Variants in DCDC2C observed in about 807,000 individuals in gnomAD.
The protein encoded by DCDC2C is doublecortin domain-containing protein 2C.
Under a neutral mutation model 45.0 loss-of-function variants are expected in DCDC2C, and 44 were observed. The observed-to-expected ratio is 0.98, with a 90% CI of 0.77 to 1.26. The LOEUF (loss-of-function observed/expected upper bound fraction) is 1.26, where lower values mean the gene tolerates loss of function less well. Ranked by LOEUF, DCDC2C falls within the 50% of genes most tolerant of loss-of-function variation. The probability of loss-of-function intolerance (pLI) is 0.00; values close to 1 mark genes in which losing one functional copy is unlikely to be tolerated. For missense variants in DCDC2C, 447 were observed against 468.9 expected (o/e 0.95, Z 0.43); for synonymous variants, 187 against 178.8 (o/e 1.05, Z -0.37).
intron 4 of DCDC2C, among the ~76,000 whole-genome samples, chr2:3,743,887 G>C (rs111785731): frequency 0.027 from 4,039 of 152,274 alleles, 179 homozygotes; most frequent in African/African-American, 0.091. Flanking sequence ...GGCCAACATG[G>C]TGAAACCCCA....
intron 10 of DCDC2C, among the ~76,000 whole-genome samples, chr2:3,822,989 G>A (rs148650538): frequency 5.4e-4 from 82 of 152,200 alleles, no homozygotes; most frequent in African/African-American, 1.9e-3. Flanking sequence ...GGTGTGACTT[G>A]TTCCTCCTTG....
At chr2:3,740,401 A>C (rs1221041648) in intron 3 of DCDC2C, among the ~76,000 whole-genome samples, 1 of 152,184 alleles carries the variant, frequency 6.6e-6, no homozygotes, top group Non-Finnish European at 1.5e-5. Context: ...GTCCTTCAAG[A>C]AGACTGTGCT....
At chr2:3,836,918 G>T (rs1390248795) in intron 10 of DCDC2C, among the ~76,000 whole-genome samples, 1 of 150,510 alleles carries the variant, frequency 6.6e-6, no homozygotes, top group African/African-American at 2.4e-5. Context: ...CAACTATCTT[G>T]TAATACTGTA....
At chr2:3,786,251 C>T (rs1334336626) in intron 10 of DCDC2C, among the ~76,000 whole-genome samples, 6 of 151,396 alleles carry the variant, frequency 4.0e-5, no homozygotes, top group African/African-American at 1.5e-4. Flanking sequence ...CGCCTGTGCA[C>T]GGAACCTCTG....
At chr2:3,729,129 G>C (rs770827846) in intron 3 of DCDC2C, among the ~76,000 whole-genome samples, 4 of 152,232 alleles carry the variant, frequency 2.6e-5, no homozygotes, top group Non-Finnish European at 5.9e-5. Flanking sequence ...GAGAAAAAGC[G>C]TTTAAAAGAT....
At chr2:3,758,109 C>T (rs1669772921) in intron 6 of DCDC2C, among the ~76,000 whole-genome samples, 1 of 152,192 alleles carries the variant, frequency 6.6e-6, no homozygotes, top group African/African-American at 2.4e-5. Flanking sequence ...GCAAAATAGA[C>T]AGAGAAGGGC....
At chr2:3,749,110 G>C (rs1170662270) in intron 4 of DCDC2C, among the ~76,000 whole-genome samples, 1 of 152,118 alleles carries the variant, frequency 6.6e-6, no homozygotes, top group African/African-American at 2.4e-5. Flanking sequence ...ATTGGTAAAG[G>C]ATTTAGTTTA....
intron 2 of DCDC2C, among the ~76,000 whole-genome samples, chr2:3,723,935 GC>G (rs1055118518): frequency 1.3e-5 from 2 of 151,974 alleles, no homozygotes; most frequent in African/African-American, 2.4e-5. Flanking sequence ...TACCTGAACA[GC>G]CCCCCTTCCC....
rs1667931682 is a variant in DCDC2C at position 3,703,608 on chromosome 2, G to A, written c.-144G>A. The A allele has an allele frequency of 6.3e-6, 5 of 796,186 alleles. No homozygotes were observed. The South Asian group carries it at 1.9e-4, about 30-fold the overall frequency. 49.3% of individuals were successfully genotyped at this position (796,186 alleles called of 1,614,324 possible). A position where few individuals can be genotyped will look rare whatever the true frequency, so the allele number is the denominator to read the frequency against. On this transcript the variant is annotated 5_prime_UTR_variant, in exon 1 of 11. Coordinates refer to ENST00000399143, the MANE Select transcript of DCDC2C (RefSeq NM_001287444.2). This position sits in a 1 kb window ranked among gnomAD's most constrained non-coding sequence, Gnocchi z 4.4. ...CCCGTCCCCGTCCAGCCCCCGTCCC[G>A]TCCCCGTCCCGTCCCCGTCCTGCGC...
At chr2:3,833,325 T>A (rs529662861) in intron 10 of DCDC2C, among the ~76,000 whole-genome samples, 1 of 152,350 alleles carries the variant, frequency 6.6e-6, no homozygotes, top group South Asian at 2.1e-4. Context: ...GGGCTTAGGA[T>A]GTCATCATCT....
At chr2:3,838,090 G>A (rs542277819) in intron 10 of DCDC2C, among the ~76,000 whole-genome samples, 14 of 152,168 alleles carry the variant, frequency 9.2e-5, no homozygotes, top group Non-Finnish European at 1.9e-4. Context: ...GGGTTATGTC[G>A]TGGCACTAAG....
intron 10 of DCDC2C, among the ~76,000 whole-genome samples, chr2:3,806,807 AAAGTGCT>A (rs1671260016): frequency 6.6e-6 from 1 of 152,070 alleles, no homozygotes; most frequent in South Asian, 2.1e-4. Context: ...TTGGCCCTGC[AAAGTGCT>A]GGGATTATAG....
intron 10 of DCDC2C, among the ~76,000 whole-genome samples, chr2:3,797,744 A>G (rs1159307282): frequency 2.0e-5 from 3 of 152,068 alleles, no homozygotes; most frequent in Non-Finnish European, 4.4e-5. Flanking sequence ...ATAATTTGTT[A>G]TAATTTCTGT....
At position 3,802,666 on chromosome 2, in the gene DCDC2C, G is replaced by A. The variant is rs1224482751; in HGVS notation, c.1065+17566G>A. On this transcript the variant is annotated intron_variant, in intron 10 of 10. Transcript: ENST00000399143. ...GGAAGGGGCAAATCAGCTCTCTGGG[G>A]TCTCTTCTAGAAGGGGCTGATCACC... is the stretch of plus-strand genomic sequence containing the variant. 2.6e-5 allele frequency among the ~76,000 whole-genome samples: 4 copies of A among 152,270 alleles called. No individual in the cohort carries two copies. The East Asian group carries it at 5.8e-4, about 22-fold the overall frequency.
intron 10 of DCDC2C, among the ~76,000 whole-genome samples, chr2:3,820,829 G>A (rs556871657): frequency 1.3e-5 from 2 of 152,310 alleles, no homozygotes; most frequent in African/African-American, 4.8e-5. Flanking sequence ...TTGGTGAGAT[G>A]TTCCTTGGGC....
At chr2:3,759,680 A>T (rs1299700296) in intron 6 of DCDC2C, among the ~76,000 whole-genome samples, 1 of 152,186 alleles carries the variant, frequency 6.6e-6, no homozygotes, top group Non-Finnish European at 1.5e-5. Context: ...AGACGAGCAC[A>T]TTTATTACAT....
chr2:3,839,808 A>G (rs1672165052), intron 10 of DCDC2C, among the ~76,000 whole-genome samples: 1 of 152,240 alleles, frequency 6.6e-6, no homozygotes, highest in Admixed American at 6.5e-5. Context: ...GCTGCAGAAC[A>G]GCCTCAGTCT....
intron 4 of DCDC2C, among the ~76,000 whole-genome samples, chr2:3,747,443 A>G (rs11897856): frequency 0.027 from 4,070 of 152,310 alleles, 193 homozygotes; most frequent in African/African-American, 0.092. Context: ...AGGCAGTGAA[A>G]GGTCTGAGGG....
chr2:3,724,715 C>T (rs1428389654), intron 2 of DCDC2C, among the ~76,000 whole-genome samples: 1 of 152,092 alleles, frequency 6.6e-6, no homozygotes, highest in Non-Finnish European at 1.5e-5. Flanking sequence ...AGCAGGGCCC[C>T]AGGAGGACCC....
Sources: allele counts gnomAD v4.1 joint callset (sites outside exome capture counted in the v4.1 genomes callset), GRCh38; gene constraint gnomAD v4.1.1; non-coding constraint Gnocchi (gnomAD v3.1); transcripts MANE v1.5; gene names NCBI Gene and HGNC (gene_info 2026-07-23, HGNC 2026-07-21).